The following STK10 variants were observed in gnomAD, a reference collection of about 807,000 sequenced individuals.
STK10 encodes serine/threonine kinase 10.
In STK10, 78 loss-of-function variants were observed where a neutral mutation model predicts 113.8. The observed-to-expected ratio is 0.69, with a 90% confidence interval of 0.57 to 0.83. The LOEUF (loss-of-function observed/expected upper bound fraction) is 0.83, where lower values mean the gene tolerates loss of function less well. STK10 is among the 40% of genes least tolerant of loss of function. The probability of loss-of-function intolerance (pLI) is 0.00; values close to 1 mark genes in which losing one functional copy is unlikely to be tolerated. For synonymous variants in STK10, 465 were observed against 494.7 expected (o/e 0.94, Z 0.80); for missense variants, 1,109 against 1,280.1 (o/e 0.87, Z 2.04).
intron 3 of STK10, among the ~76,000 whole-genome samples, chr5:172,124,885 T>TA (rs60649482): frequency 0.16 from 23,957 of 151,956 alleles, 1,978 homozygotes; most frequent in African/African-American, 0.22. Flanking sequence ...TATATATATA[T>TA]TTTTTTCCCC....
chr5:172,165,084 C>T (rs1345103548), intron 1 of STK10, among the ~76,000 whole-genome samples: 1 of 152,158 alleles, frequency 6.6e-6, no homozygotes, highest in East Asian at 1.9e-4. Flanking sequence ...CCCAAGGGGC[C>T]CAGCCAGCCC....
chr5:172,065,073 C>G (rs555678521), intron 12 of STK10, among the ~76,000 whole-genome samples: 1 of 152,224 alleles, frequency 6.6e-6, no homozygotes, highest in Admixed American at 6.5e-5. Flanking sequence ...ATCCACCCCC[C>G]TCTTCTGGTA....
chr5:172,180,645 C>CAA (rs59448135), intron 1 of STK10, among the ~76,000 whole-genome samples: 5 of 142,750 alleles, frequency 3.5e-5, no homozygotes, highest in African/African-American at 1.2e-4. Flanking sequence ...ACAACAACAA[C>CAA]AAAAAAAAAA....
rs947423679 is a variant in STK10, at chr5:172,124,085, G to A, written c.370+3288C>T. 2.6e-5 allele frequency among the ~76,000 whole-genome samples: 4 copies of A among 152,054 alleles called. No individual in the cohort carries two copies. In the South Asian group the frequency reaches 6.2e-4, roughly 24 times the overall value. ...GGGATTACAGGTGCAAACCACTAAC[G>A]CCCAGCTAACTTTTGTACTTTTTGT... is the stretch of plus-strand genomic sequence containing the variant. On this transcript the variant is annotated intron_variant, in intron 3 of 18. Transcript: ENST00000176763.
At chr5:172,127,316 T>G in intron 3 of STK10, 57 bp downstream of exon 3, 3 of 1,601,476 alleles carry the variant, frequency 1.9e-6, no homozygotes, top group Non-Finnish European at 2.6e-6. Flanking sequence ...CAGTCAGGCT[T>G]AGGACTCCAA....
chr5:172,146,389 A>G (rs1051685203), intron 2 of STK10, among the ~76,000 whole-genome samples: 1 of 152,212 alleles, frequency 6.6e-6, no homozygotes, highest in Non-Finnish European at 1.5e-5. Flanking sequence ...GCAACTGCTA[A>G]AGGTTCCACC....
At chr5:172,185,912 G>A (rs1025746897) in intron 1 of STK10, among the ~76,000 whole-genome samples, 3 of 152,190 alleles carry the variant, frequency 2.0e-5, no homozygotes, top group African/African-American at 4.8e-5. Context: ...ACTGCCTCTC[G>A]GATCACAAGA....
At chr5:172,144,944 G>A (rs1213857735) in intron 2 of STK10, among the ~76,000 whole-genome samples, 1 of 152,056 alleles carries the variant, frequency 6.6e-6, no homozygotes, top group Non-Finnish European at 1.5e-5. Context: ...GAACCAAGGC[G>A]ACTCAATTTC....
At position 172,073,672 on chromosome 5, in the gene STK10, A is replaced by C. The variant is rs1178432171; in HGVS notation, c.1989+8654T>G. Among the ~76,000 whole-genome samples the C allele has an allele frequency of 3.3e-5, 5 of 151,522 alleles. No homozygotes were observed. In the South Asian group the frequency reaches 8.3e-4, roughly 25 times the overall value. On this transcript the variant is annotated intron_variant, in intron 12 of 18. Coordinates refer to ENST00000176763, the MANE Select transcript of STK10 (RefSeq NM_005990.4). Reference sequence around the variant, plus strand: ...GAAATAAATATAATTCAAGGCCGGGAGCAGTGGCTCATGCCTATAATCCTA... The same window carrying C: ...GAAATAAATATAATTCAAGGCCGGGCGCAGTGGCTCATGCCTATAATCCTA...
chr5:172,154,877 C>T (rs1048180399), intron 2 of STK10, among the ~76,000 whole-genome samples: 1 of 152,078 alleles, frequency 6.6e-6, no homozygotes, highest in African/African-American at 2.4e-5. Flanking sequence ...GAAGATTAAA[C>T]CACATAATGC....
chr5:172,117,409 C>T, intron 4 of STK10, 72 bp downstream of exon 4: 1 of 1,581,504 alleles, frequency 6.3e-7, no homozygotes, highest in East Asian at 2.2e-5. Context: ...CTCCCACTGG[C>T]CTGCAGAGGC....
At chr5:172,135,319 C>T (rs948127553) in intron 2 of STK10, among the ~76,000 whole-genome samples, 2 of 152,064 alleles carry the variant, frequency 1.3e-5, no homozygotes, top group East Asian at 1.9e-4. Flanking sequence ...TTGAGACAGC[C>T]TGGCCGACAT....
chr5:172,136,536 G>A (rs1769863709), intron 2 of STK10, among the ~76,000 whole-genome samples: 1 of 152,212 alleles, frequency 6.6e-6, no homozygotes, highest in African/African-American at 2.4e-5. Flanking sequence ...GGCAGAGCTT[G>A]CAGTGAGCCA....
At position 172,058,632 on chromosome 5, in the gene STK10, G is replaced by T. The variant is rs375612383; in HGVS notation, c.2213-1159C>A. Among the ~76,000 whole-genome samples, 6 of 152,026 alleles carry T rather than the reference G, an allele frequency of 3.9e-5. No individual in the cohort carries two copies. In the East Asian group the frequency reaches 1.2e-3, roughly 30 times the overall value. On this transcript the variant is annotated intron_variant, in intron 14 of 18. Coordinates refer to ENST00000176763, the MANE Select transcript of STK10 (RefSeq NM_005990.4). Reference sequence around the variant, plus strand: ...ACGGCCAGGCACAGTGGCTCACACCGTAGTCCCAGCATTTTGGGAGGCTGA... The same window carrying T: ...ACGGCCAGGCACAGTGGCTCACACCTTAGTCCCAGCATTTTGGGAGGCTGA...
chr5:172,181,126 C>T (rs1049558959), intron 1 of STK10, among the ~76,000 whole-genome samples: 2 of 152,204 alleles, frequency 1.3e-5, no homozygotes, highest in African/African-American at 4.8e-5. Context: ...TCAGATTGCA[C>T]ACACACCTCC....
At chr5:172,117,140 A>G (rs1054203789) in intron 4 of STK10, among the ~76,000 whole-genome samples, 1 of 151,624 alleles carries the variant, frequency 6.6e-6, no homozygotes, top group Non-Finnish European at 1.5e-5. Context: ...GTAGCCAGGC[A>G]TGGTGGCAGG....
At chr5:172,095,874 C>T (rs60895012) in intron 8 of STK10, among the ~76,000 whole-genome samples, 2,850 of 152,322 alleles carry the variant, frequency 0.019, 87 homozygotes, top group African/African-American at 0.065. Context: ...GGCCAGAATC[C>T]AGCCCACAGA....
At chr5:172,103,341 G>C (rs1188496597) in intron 7 of STK10, among the ~76,000 whole-genome samples, 1 of 152,246 alleles carries the variant, frequency 6.6e-6, no homozygotes, top group Non-Finnish European at 1.5e-5. Flanking sequence ...TCCAGAGATC[G>C]CTCCTTTGTT....
chr5:172,170,169 A>G (rs1770642335), intron 1 of STK10, among the ~76,000 whole-genome samples: 1 of 151,312 alleles, frequency 6.6e-6, no homozygotes, highest in Non-Finnish European at 1.5e-5. Context: ...CTAAGGAATG[A>G]ATGAATAAAA....
Sources: gnomAD v4.1 joint callset for allele counts (sites outside exome capture counted in the v4.1 genomes callset) on GRCh38, gnomAD v4.1.1 for gene constraint, MANE v1.5 for transcripts, NCBI Gene and HGNC (gene_info 2026-07-23, HGNC 2026-07-21) for gene names.